Variants in SLC39A11 observed in about 807,000 individuals in gnomAD.
SLC39A11 encodes zinc transporter ZIP11.
In SLC39A11, 33 loss-of-function variants were observed where a neutral mutation model predicts 36.1. The observed-to-expected ratio is 0.91, with a 90% CI of 0.69 to 1.22. The LOEUF (loss-of-function observed/expected upper bound fraction) is 1.22, where lower values mean the gene tolerates loss of function less well. Ranked by LOEUF, SLC39A11 falls within the 50% of genes most tolerant of loss-of-function variation. The pLI is 0.00. For missense variants in SLC39A11, 432 were observed against 430.3 expected (o/e 1.00, Z -0.03); for synonymous variants, 166 against 170.3 (o/e 0.97, Z 0.20).
chr17:72,879,023 G>A (rs2081058453), intron 5 of SLC39A11, among the ~76,000 whole-genome samples: 1 of 152,224 alleles, frequency 6.6e-6, no homozygotes, highest in South Asian at 2.1e-4. Flanking sequence ...TTATTACAAA[G>A]AGTATTTTAA....
chr17:72,691,855 G>C (rs1395929369), intron 7 of SLC39A11, among the ~76,000 whole-genome samples: 1 of 152,066 alleles, frequency 6.6e-6, no homozygotes, highest in African/African-American at 2.4e-5. Flanking sequence ...TCCAAGTTTG[G>C]TCAACAGTGC....
At chr17:72,837,360 CAAA>C (rs34639176) in intron 6 of SLC39A11, among the ~76,000 whole-genome samples, 3,255 of 91,042 alleles carry the variant, frequency 0.036, 123 homozygotes, top group African/African-American at 0.12. Flanking sequence ...GTATATTGCT[CAAA>C]AAAAAAAAAA....
chr17:72,858,443 T>G (rs2079775229), intron 5 of SLC39A11, among the ~76,000 whole-genome samples: 1 of 152,230 alleles, frequency 6.6e-6, no homozygotes, highest in South Asian at 2.1e-4. Context: ...TGCTTAGGAT[T>G]GTTTTGGCTA....
intron 5 of SLC39A11, among the ~76,000 whole-genome samples, chr17:72,894,884 T>C (rs2081952814): frequency 6.6e-6 from 1 of 151,932 alleles, no homozygotes; most frequent in Non-Finnish European, 1.5e-5. Flanking sequence ...CCAGGGATGG[T>C]GGGCTGAAGG....
At chr17:73,003,994 G>A (rs531712292) in intron 4 of SLC39A11, among the ~76,000 whole-genome samples, 2 of 151,920 alleles carry the variant, frequency 1.3e-5, no homozygotes, top group South Asian at 2.1e-4. Flanking sequence ...GCTGAGGCAG[G>A]AGAATCACTT....
intron 3 of SLC39A11, among the ~76,000 whole-genome samples, chr17:73,081,968 G>C (rs1161396992): frequency 1.3e-5 from 2 of 151,142 alleles, no homozygotes; most frequent in Admixed American, 6.6e-5. Flanking sequence ...GAAAGGGTAG[G>C]GGGGCTAGGG....
intron 6 of SLC39A11, among the ~76,000 whole-genome samples, chr17:72,844,230 G>A (rs996800593): frequency 2.0e-5 from 3 of 152,206 alleles, no homozygotes; most frequent in Non-Finnish European, 4.4e-5. Context: ...CTGCTTGACA[G>A]TGATGGTGAG....
chr17:72,888,738 T>C (rs1278844029), intron 5 of SLC39A11, among the ~76,000 whole-genome samples: 1 of 151,788 alleles, frequency 6.6e-6, no homozygotes, highest in African/African-American at 2.4e-5. Flanking sequence ...TCCATCTCGA[T>C]AAAAGATGAA....
chr17:72,653,270 A>AT (rs554605842), intron 7 of SLC39A11, among the ~76,000 whole-genome samples: 1,867 of 142,496 alleles, frequency 0.013, 44 homozygotes, highest in African/African-American at 0.043. Flanking sequence ...ACACCCCCCT[A>AT]TTTTTTTTTT....
intron 6 of SLC39A11, among the ~76,000 whole-genome samples, chr17:72,773,480 G>A (rs907588958): frequency 6.6e-6 from 1 of 152,100 alleles, no homozygotes; most frequent in African/African-American, 2.4e-5. Flanking sequence ...TCTCCTTACT[G>A]TCACCCTGTA....
intron 7 of SLC39A11, among the ~76,000 whole-genome samples, chr17:72,731,263 T>C (rs1002203941): frequency 7.9e-5 from 12 of 152,186 alleles, no homozygotes; most frequent in Non-Finnish European, 2.9e-5. Flanking sequence ...AAATCTTCTG[T>C]GAGTTGAACT....
intron 3 of SLC39A11, among the ~76,000 whole-genome samples, chr17:73,074,624 C>T (rs2144598517): frequency 6.6e-6 from 1 of 152,246 alleles, no homozygotes; most frequent in Middle Eastern, 3.4e-3. Flanking sequence ...CATTTCTTTC[C>T]ATCCAGCTCT....
chr17:72,923,826 A>G (rs78543787), intron 5 of SLC39A11, among the ~76,000 whole-genome samples: 3,742 of 152,190 alleles, frequency 0.025, 150 homozygotes, highest in African/African-American at 0.083. Context: ...GCAAGATACA[A>G]TGATTTCTCA....
At chr17:72,850,947 G>C (rs1412759247) in intron 5 of SLC39A11, among the ~76,000 whole-genome samples, 3 of 152,134 alleles carry the variant, frequency 2.0e-5, no homozygotes, top group Admixed American at 6.6e-5. Context: ...TCTCCAGGGA[G>C]AATTGGCCAC....
intron 3 of SLC39A11, among the ~76,000 whole-genome samples, chr17:73,081,660 CACACACACACATAT>C (rs2060520030): frequency 3.7e-5 from 3 of 81,606 alleles, no homozygotes; most frequent in African/African-American, 1.0e-4. Context: ...CACACACACA[CACACACACACATAT>C]ATATACACAT....
At chr17:72,838,861 G>A (rs771653095) in intron 6 of SLC39A11, among the ~76,000 whole-genome samples, 1 of 152,186 alleles carries the variant, frequency 6.6e-6, no homozygotes, top group African/African-American at 2.4e-5. Context: ...GGATAACATG[G>A]AGTTATGATA....
chr17:72,655,949 C>T (rs1480589967), intron 7 of SLC39A11, among the ~76,000 whole-genome samples: 2 of 152,086 alleles, frequency 1.3e-5, no homozygotes, highest in Non-Finnish European at 2.9e-5. Context: ...TCCCGGGGGG[C>T]TGGTGGCGTG....
intron 7 of SLC39A11, among the ~76,000 whole-genome samples, chr17:72,653,221 C>T (rs2069938737): frequency 6.6e-6 from 1 of 151,256 alleles, no homozygotes; most frequent in Non-Finnish European, 1.5e-5. Context: ...TCTCCTGCTT[C>T]AGCCTCCCGA....
chr17:72,884,496 A>G (rs912024531), intron 5 of SLC39A11, among the ~76,000 whole-genome samples: 1 of 152,216 alleles, frequency 6.6e-6, no homozygotes, highest in African/African-American at 2.4e-5. Flanking sequence ...TCTTGGCTTT[A>G]TTTAATGTTC....
Sources: allele counts gnomAD v4.1 joint callset (sites outside exome capture counted in the v4.1 genomes callset), GRCh38; gene constraint gnomAD v4.1.1; transcripts MANE v1.5; gene names NCBI Gene and HGNC (gene_info 2026-07-23, HGNC 2026-07-21).